TRABD2B: variants seen among roughly 807,000 people sequenced by gnomAD.
The protein encoded by TRABD2B is metalloprotease TIKI2.
In TRABD2B, 14 loss-of-function variants were observed where a neutral mutation model predicts 40.1. That is an observed-to-expected ratio of 0.35 (90% confidence interval 0.23 to 0.55). TRABD2B has a LOEUF of 0.55. TRABD2B is among the 20% of genes least tolerant of loss of function. The probability of loss-of-function intolerance (pLI) is 0.90; values close to 1 mark genes in which losing one functional copy is unlikely to be tolerated. For missense variants in TRABD2B, 541 were observed against 648.6 expected, an observed-to-expected ratio of 0.83 and a Z score of 1.80; for synonymous variants, 263 against 277.0, an observed-to-expected ratio of 0.95 and a Z score of 0.50.
At chr1:47,938,984 G>A (rs906711539) in intron 2 of TRABD2B, among the ~76,000 whole-genome samples, 3 of 152,010 alleles carry the variant, frequency 2.0e-5, no homozygotes, top group African/African-American at 7.2e-5. Context: ...ACAGAGGGGT[G>A]TGAATTAGGA....
chr1:47,843,454 C>T (rs749313105), intron 2 of TRABD2B, among the ~76,000 whole-genome samples: 1 of 152,178 alleles, frequency 6.6e-6, no homozygotes, highest in Non-Finnish European at 1.5e-5. Flanking sequence ...GCCTGAGCAA[C>T]TGTCGGAGTG....
At chr1:47,789,632 T>C (rs567204696) in intron 4 of TRABD2B, among the ~76,000 whole-genome samples, 48 of 152,290 alleles carry the variant, frequency 3.2e-4, no homozygotes, top group African/African-American at 1.0e-3. Context: ...TGTGGATGAC[T>C]TCACCTTCTA....
At chr1:47,883,828 T>A (rs1032998118) in intron 2 of TRABD2B, among the ~76,000 whole-genome samples, 1 of 152,218 alleles carries the variant, frequency 6.6e-6, no homozygotes, top group Admixed American at 6.5e-5. Flanking sequence ...GTTGCCTGTA[T>A]TGCTCATTTT....
At chr1:47,833,655 C>G (rs1035516830) in intron 2 of TRABD2B, among the ~76,000 whole-genome samples, 4 of 152,192 alleles carry the variant, frequency 2.6e-5, no homozygotes, top group African/African-American at 9.7e-5. Flanking sequence ...TTCTATGACC[C>G]TTATAATACC....
chr1:47,848,559 G>A lies in TRABD2B; in HGVS notation c.667-46940C>T, dbSNP rs567530994. ...GCTTCCAGCCCATGGTTTTGCCTTT[G>A]TTACAGATGCATGAACCCCCAGAGT... On this transcript the variant is annotated intron_variant, in intron 2 of 6. Transcript: ENST00000606738. Among the ~76,000 whole-genome samples the A allele has an allele frequency of 2.0e-5, 3 of 152,328 alleles. No homozygotes were observed. In the South Asian group the frequency reaches 6.2e-4, roughly 32 times the overall value.
intron 2 of TRABD2B, among the ~76,000 whole-genome samples, chr1:47,875,698 A>G (rs7555413): frequency 0.63 from 83,461 of 132,084 alleles, 27,341 homozygotes; most frequent in East Asian, 0.8. Context: ...AAAAAAAAAA[A>G]AAGAAGAAGG....
intron 2 of TRABD2B, among the ~76,000 whole-genome samples, chr1:47,839,503 T>G (rs1645365563): frequency 1.3e-5 from 2 of 152,228 alleles, no homozygotes; most frequent in Non-Finnish European, 2.9e-5. Context: ...TCAGGCCTCA[T>G]GGTCCTCCAC....
chr1:47,914,255 G>A (rs1158307055), intron 2 of TRABD2B, among the ~76,000 whole-genome samples: 1 of 152,246 alleles, frequency 6.6e-6, no homozygotes. Context: ...CCCTGGTTGA[G>A]AACTAGCCCA....
chr1:47,918,692 C>T (rs963813324), intron 2 of TRABD2B, among the ~76,000 whole-genome samples: 4 of 114,670 alleles, frequency 3.5e-5, no homozygotes, highest in Admixed American at 8.4e-5. Context: ...AAGACGGGGA[C>T]GGAAAGAAAG....
At chr1:47,906,604 A>G (rs947516044) in intron 2 of TRABD2B, among the ~76,000 whole-genome samples, 1 of 152,168 alleles carries the variant, frequency 6.6e-6, no homozygotes, top group Admixed American at 6.5e-5. Flanking sequence ...CTGATTCCCC[A>G]AGCCTAGACG....
intron 2 of TRABD2B, among the ~76,000 whole-genome samples, chr1:47,932,317 A>C (rs1645050497): frequency 6.6e-6 from 1 of 152,174 alleles, no homozygotes; most frequent in East Asian, 1.9e-4. Flanking sequence ...CACCAAGGAG[A>C]GGACCAAATG....
In TRABD2B at chr1:47,949,403, T is replaced by TC. The variant is rs1645308109; in HGVS notation, c.666+44630_666+44631insG. ...TATGATTGTATTTTCTTTTCTTTCT[T>TC]TTTTTTTTTTTTTTTTTTTTTTGAG... On this transcript the variant is annotated intron_variant, in intron 2 of 6. Transcript: ENST00000606738. 2.4e-5 allele frequency among the ~76,000 whole-genome samples: 3 copies of TC among 124,806 alleles called. 1 individual carries two copies. The South Asian group carries it at 9.4e-4, about 39-fold the overall frequency. The allele number at this position is 124,806 out of a possible 152,430, so 81.9% of individuals were successfully genotyped here.
At chr1:47,836,909 T>C (rs370033835) in intron 2 of TRABD2B, among the ~76,000 whole-genome samples, 1 of 152,212 alleles carries the variant, frequency 6.6e-6, no homozygotes, top group East Asian at 1.9e-4. Flanking sequence ...CCTCCAGGAC[T>C]GTGAGAAATA....
At chr1:47,984,841 A>G (rs4927298) in intron 2 of TRABD2B, among the ~76,000 whole-genome samples, 57,431 of 151,814 alleles carry the variant, frequency 0.38, 11,129 homozygotes, top group African/African-American at 0.45. Flanking sequence ...CCTCCTCCCA[A>G]CACCTGCACG....
chr1:47,859,661 A>C (rs1643937509), intron 2 of TRABD2B, among the ~76,000 whole-genome samples: 1 of 152,190 alleles, frequency 6.6e-6, no homozygotes, highest in Non-Finnish European at 1.5e-5. Context: ...TGGAAGAAGC[A>C]GTGATCACAT....
chr1:47,856,734 T>C (rs1049720744), intron 2 of TRABD2B, among the ~76,000 whole-genome samples: 1 of 152,216 alleles, frequency 6.6e-6, no homozygotes, highest in African/African-American at 2.4e-5. Context: ...AATTCCTTGC[T>C]CACCACCTAT....
intron 2 of TRABD2B, among the ~76,000 whole-genome samples, chr1:47,928,057 C>T (rs1644993111): frequency 6.6e-6 from 1 of 152,186 alleles, no homozygotes; most frequent in South Asian, 2.1e-4. Flanking sequence ...ACAAGATCCT[C>T]AAGTGATCCG....
chr1:47,835,198 G>A lies in TRABD2B; in HGVS notation c.667-33579C>T, dbSNP rs113726745. On this transcript the variant is annotated intron_variant, in intron 2 of 6. Transcript: ENST00000606738. Reference sequence around the variant, plus strand: ...GGAGCTCAAAATATTTCAGCAGGCAGAAGAATCAACAAATTTGAAGATAGG... The same window carrying A: ...GGAGCTCAAAATATTTCAGCAGGCAAAAGAATCAACAAATTTGAAGATAGG... 5.3e-5 allele frequency among the ~76,000 whole-genome samples: 8 copies of A among 152,242 alleles called. 3 individuals carry two copies. The highest frequency in any genetic ancestry group is 1.9e-4 in the African/African-American group (8 of 41,556).
At chr1:47,958,671 T>TAA (rs1317368810) in intron 2 of TRABD2B, among the ~76,000 whole-genome samples, 2 of 152,134 alleles carry the variant, frequency 1.3e-5, no homozygotes, top group Non-Finnish European at 2.9e-5. Flanking sequence ...CTATCCTAAA[T>TAA]ATATATGCAC....
Sources: allele counts gnomAD v4.1 joint callset (sites outside exome capture counted in the v4.1 genomes callset), GRCh38; gene constraint gnomAD v4.1.1; transcripts MANE v1.5; gene names NCBI Gene and HGNC (gene_info 2026-07-23, HGNC 2026-07-21).